Variants in NDUFAF5 observed in about 807,000 individuals in gnomAD.
NDUFAF5 encodes the protein NADH:ubiquinone oxidoreductase complex assembly factor 5, also known as arginine-hydroxylase NDUFAF5, mitochondrial.
In NDUFAF5, 34 loss-of-function variants were observed where a neutral mutation model predicts 48.9. The observed-to-expected ratio is 0.70, with a 90% CI of 0.53 to 0.93. The LOEUF (loss-of-function observed/expected upper bound fraction) is 0.93, where lower values mean the gene tolerates loss of function less well. NDUFAF5 is among the 40% of genes least tolerant of loss of function. NDUFAF5 has a pLI of 0.00. For synonymous variants in NDUFAF5, 153 were observed against 150.6 expected, an observed-to-expected ratio of 1.02 and a Z score of -0.12; for missense variants, 428 against 427.5, an observed-to-expected ratio of 1.00 and a Z score of -0.01.
intron 6 of NDUFAF5, among the ~76,000 whole-genome samples, chr20:13,799,317 CGT>C (rs1466624062): frequency 2.0e-5 from 3 of 152,130 alleles, no homozygotes; most frequent in Non-Finnish European, 4.4e-5. Context: ...TATCTGAACA[CGT>C]ATGATTTTCC....
At chr20:13,803,615 T>G (rs113151729) in intron 7 of NDUFAF5, among the ~76,000 whole-genome samples, 46 of 152,310 alleles carry the variant, frequency 3.0e-4, no homozygotes, top group African/African-American at 1.1e-3. Flanking sequence ...TGAAAAGTAA[T>G]GAAGAAACTT....
chr20:13,808,143 G>C (rs1409972378), intron 7 of NDUFAF5, among the ~76,000 whole-genome samples: 1 of 152,126 alleles, frequency 6.6e-6, no homozygotes, highest in Non-Finnish European at 1.5e-5. Context: ...CAGCAAAAGA[G>C]ATGGCCTGGA....
At chr20:13,801,040 G>A (rs752764671) in intron 6 of NDUFAF5, among the ~76,000 whole-genome samples, 5 of 152,092 alleles carry the variant, frequency 3.3e-5, no homozygotes, top group Admixed American at 6.5e-5. Context: ...TGGCCAAAGC[G>A]AGTCACAAGG....
At chr20:13,785,415 C>G (rs770818189) in intron 1 of NDUFAF5, 125 bp downstream of exon 1, 4 of 738,282 alleles carry the variant, frequency 5.4e-6, no homozygotes, top group Non-Finnish European at 8.9e-6. Flanking sequence ...GCAGCCCTGC[C>G]TCTTTCGGCC....
At chr20:13,816,300 A>G in intron 8 of NDUFAF5, 163 bp from the exon 9 acceptor site, 2 of 691,828 alleles carry the variant, frequency 2.9e-6, no homozygotes, top group Non-Finnish European at 5.3e-6. Flanking sequence ...AGAGTCACTA[A>G]GAAACCCAGT....
At chr20:13,815,323 A>G (rs1986335054) in intron 8 of NDUFAF5, among the ~76,000 whole-genome samples, 1 of 152,182 alleles carries the variant, frequency 6.6e-6, no homozygotes, top group African/African-American at 2.4e-5. Flanking sequence ...TTTAAAGACC[A>G]CAGATGATTG....
chr20:13,816,596 ATCATGTTGATTCCCT>A, intron 9 of NDUFAF5, 50 bp downstream of exon 9: 1 of 1,419,672 alleles, frequency 7.0e-7, no homozygotes, highest in Non-Finnish European at 1.0e-6. Flanking sequence ...CTTGTGCTGT[ATCATGTTGATTCCCT>A]TCACGTTGCC....
chr20:13,797,570 C>T (rs1382725912), intron 5 of NDUFAF5, among the ~76,000 whole-genome samples: 1 of 152,082 alleles, frequency 6.6e-6, no homozygotes, highest in Non-Finnish European at 1.5e-5. Flanking sequence ...TGGTGATTGC[C>T]AGGGGTTGTG....
chr20:13,807,962 AT>A (rs1375104245), intron 7 of NDUFAF5, among the ~76,000 whole-genome samples: 2 of 142,260 alleles, frequency 1.4e-5, no homozygotes, highest in East Asian at 2.0e-4. Context: ...AAAAAAAAAA[AT>A]TATTTTAGGC....
At chr20:13,792,445 T>G (rs1982428246) in intron 3 of NDUFAF5, among the ~76,000 whole-genome samples, 1 of 152,208 alleles carries the variant, frequency 6.6e-6, no homozygotes, top group Non-Finnish European at 1.5e-5. Context: ...GAGCACAGAC[T>G]GCAGATAGTG....
intron 1 of NDUFAF5, among the ~76,000 whole-genome samples, chr20:13,785,603 G>T (rs1980917032): frequency 1.3e-5 from 2 of 152,218 alleles, no homozygotes; most frequent in African/African-American, 4.8e-5. Flanking sequence ...TCAGGGCCTT[G>T]CAGGATAGGG....
chr20:13,793,143 G>A lies in NDUFAF5; in HGVS notation c.328-37G>A, dbSNP rs756517287. 3.7e-6 allele frequency: 6 copies of A among 1,612,170 alleles called. No homozygotes were observed. The South Asian group carries it at 6.6e-5, about 18-fold the overall frequency. On this transcript the variant is annotated intron_variant, in intron 3 of 10. Coordinates refer to ENST00000378106, the MANE Select transcript of NDUFAF5 (RefSeq NM_024120.5). ...GAAATGTCAGCAATTGTTTGTGACT[G>A]GATTTGTTTGTTTCAGCTTCAGTTA...
chr20:13,795,725 A>C (rs1983096148), intron 5 of NDUFAF5, among the ~76,000 whole-genome samples: 1 of 152,194 alleles, frequency 6.6e-6, no homozygotes, highest in African/African-American at 2.4e-5. Context: ...AGGCTGAGGC[A>C]GGAGGATCAC....
rs1255862223 is a variant in NDUFAF5 at position 13,819,148 on chromosome 20, G to A, written c.*1938G>A. ...GTATAACACTAGTGAAATTATTTTT[G>A]TAGTTAAATCTGCTGGAAGTGTGCT... On this transcript the variant is annotated 3_prime_UTR_variant, in exon 11 of 11. Coordinates refer to ENST00000378106, the MANE Select transcript of NDUFAF5 (RefSeq NM_024120.5). 6.6e-6 allele frequency: 1 copy of A among 152,154 alleles called. No individual in the cohort carries two copies. Among genetic ancestry groups the A allele is most frequent in the Admixed American group, 6.5e-5 (1 of 15,280 alleles). 9.4% of individuals were successfully genotyped at this position (152,154 alleles called of 1,614,324 possible). A position where few individuals can be genotyped will look rare whatever the true frequency, so the allele number is the denominator to read the frequency against.
chr20:13,798,232 C>T (rs2254128), intron 5 of NDUFAF5, among the ~76,000 whole-genome samples: 7 of 151,946 alleles, frequency 4.6e-5, no homozygotes, highest in South Asian at 4.1e-4. Context: ...CTTTCAGTTA[C>T]GCAAAGTGAT....
Position 13,801,482 on chromosome 20 carries a change from A to T in NDUFAF5, c.520-4A>T. 6.3e-7 allele frequency: 1 copy of T among 1,587,326 alleles called. No individual in the cohort carries two copies. On this transcript the variant is annotated splice_region_variant and splice_polypyrimidine_tract_variant and intron_variant, in intron 6 of 10. Coordinates refer to ENST00000378106, the MANE Select transcript of NDUFAF5 (RefSeq NM_024120.5). ...ATCATTTTGTTTTCTTGTATTTATTACAGATTCATTATATTTTAAAACCAG... is the reference window on the plus strand; with the variant it reads ...ATCATTTTGTTTTCTTGTATTTATTTCAGATTCATTATATTTTAAAACCAG...
Position 13,817,532 on chromosome 20 carries a change from C to G in NDUFAF5, c.*322C>G. ...TCATGCTGACCTTTTACACCTTTTT[C>G]ATTTGTCATACTGTTTTCTTTGCCT... On this transcript the variant is annotated 3_prime_UTR_variant, in exon 11 of 11. Coordinates refer to ENST00000378106, the MANE Select transcript of NDUFAF5 (RefSeq NM_024120.5). 2.1e-6 allele frequency: 1 copy of G among 483,472 alleles called. No individual in the cohort carries two copies. The allele number at this position is 483,472 out of a possible 1,614,324, so 29.9% of individuals were successfully genotyped here.
At chr20:13,796,233 T>C (rs929294533) in intron 5 of NDUFAF5, among the ~76,000 whole-genome samples, 1 of 152,228 alleles carries the variant, frequency 6.6e-6, no homozygotes. Flanking sequence ...TGATGTTTTC[T>C]TTCGTGAGTG....
intron 7 of NDUFAF5, among the ~76,000 whole-genome samples, chr20:13,808,263 G>A (rs1394717907): frequency 6.6e-6 from 1 of 152,108 alleles, no homozygotes; most frequent in Non-Finnish European, 1.5e-5. Context: ...GAGCATCAGT[G>A]GTCTCTGCCA....
Sources: allele counts gnomAD v4.1 joint callset (sites outside exome capture counted in the v4.1 genomes callset), GRCh38; gene constraint gnomAD v4.1.1; transcripts MANE v1.5; gene names NCBI Gene and HGNC (gene_info 2026-07-23, HGNC 2026-07-21).